The following COPS6 variants were observed in gnomAD, a reference collection of about 807,000 sequenced individuals.
COPS6 encodes the protein COP9 signalosome subunit 6.
Under a neutral mutation model 41.0 loss-of-function variants are expected in COPS6, and 9 were observed. The observed-to-expected ratio is 0.22, with a 90% CI of 0.13 to 0.38. The LOEUF is 0.38. COPS6 is among the 10% of genes least tolerant of loss of function. The probability of loss-of-function intolerance (pLI) is 1.00; values close to 1 mark genes in which losing one functional copy is unlikely to be tolerated. For missense variants in COPS6, 302 were observed against 436.7 expected (o/e 0.69, Z 2.75); for synonymous variants, 179 against 162.9 (o/e 1.10, Z -0.75).
intron 5 of COPS6, 119 bp from the exon 6 acceptor site, chr7:100,090,783 A>G: frequency 1.4e-6 from 2 of 1,459,640 alleles, no homozygotes; most frequent in Non-Finnish European, 1.9e-6. Flanking sequence ...TAATCTCCAA[A>G]CTGTGAAAGG....
At position 100,091,551 on chromosome 7, in the gene COPS6, G is replaced by A; in HGVS notation, c.843+31G>A. 1 of 1,613,752 alleles carries A rather than the reference G, an allele frequency of 6.2e-7. No individual in the cohort carries two copies. Among genetic ancestry groups the A allele is most frequent in the South Asian group, 1.1e-5 (1 of 91,076 alleles). ...TGTAAAACCCGGATGGGGAGGCGGG[G>A]CTTATGCTGTCACTTTCACGTGCAG... On this transcript the variant is annotated intron_variant, in intron 9 of 9. Transcript: ENST00000303904. This position sits in a 1 kb window ranked among gnomAD's most constrained non-coding sequence, Gnocchi z 4.1.
In COPS6 at chr7:100,091,299, C is replaced by T. The variant is rs756714893; in HGVS notation, c.711C>T (p.Leu237=). ...AGATGCTGCACAGCCGCGTCAAGCT[C>T]ATCTTGGAGTACGTCAAGGCCTCTG... ...AIKMLHSRVK[L]ILEYVKASEA... is the part of the protein sequence containing the mutation. The change falls in exon 8 of 10, where the codon CTC becomes CTT. Residue 237 remains leucine, a synonymous_variant. Transcript: ENST00000303904. The surrounding 1 kb of genome is among the most constrained non-coding windows in gnomAD (Gnocchi z 4.1). The T allele has an allele frequency of 2.5e-6, 4 of 1,614,202 alleles. No homozygotes were observed. Among genetic ancestry groups the T allele is most frequent in the Non-Finnish European group, 3.4e-6 (4 of 1,180,030 alleles).
In COPS6 at chr7:100,091,652, T is replaced by C. The variant is rs1344066280; in HGVS notation, c.847T>C (p.Cys283Arg). The change falls in exon 10 of 10, where the codon TGC becomes CGC. Residue 283 changes from cysteine to arginine, a missense_variant. Physicochemically the swap from Cys to Arg is radical, Grantham distance 180. This residue lies in a region of COPS6 where 222 missense variants were observed against 309.0 expected (regional missense o/e 0.72). Coordinates refer to ENST00000303904, the MANE Select transcript of COPS6 (RefSeq NM_006833.5). The surrounding 1 kb of genome is among the most constrained non-coding windows in gnomAD (Gnocchi z 4.1). ...DKFKTDFYDQ[C>R]NDVGLMAYLG... is the part of the protein sequence containing the mutation. ...GGTCCTTTCTGTTCCCTCCCAGCAA[T>C]GCAACGACGTGGGGCTCATGGCCTA... 4 of 1,614,204 alleles carry C rather than the reference T, an allele frequency of 2.5e-6. No homozygotes were observed. Among genetic ancestry groups the C allele is most frequent in the East Asian group, 2.2e-5 (1 of 44,878 alleles).
At position 100,091,777 on chromosome 7, in the gene COPS6, G is replaced by A. The variant is rs759619174; in HGVS notation, c.972G>A (p.Gly324=). 6.2e-7 allele frequency: 1 copy of A among 1,614,216 alleles called. No individual in the cohort carries two copies. The highest frequency in any genetic ancestry group is 8.5e-7 in the Non-Finnish European group (1 of 1,180,048). ...DRQGIGRRMR[G]LFF ...AAGGCATCGGCAGGAGAATGCGCGGGCTCTTTTTCTGATGAGGGTACTTGA... is the reference window on the plus strand; with the variant it reads ...AAGGCATCGGCAGGAGAATGCGCGGACTCTTTTTCTGATGAGGGTACTTGA... Residue 324 remains glycine, a synonymous_variant, in exon 10 of 10, where the codon GGG becomes GGA. Transcript: ENST00000303904. This position sits in a 1 kb window ranked among gnomAD's most constrained non-coding sequence, Gnocchi z 4.1.
At chr7:100,089,221 C>G in intron 1 of COPS6, 69 bp from the exon 2 acceptor site, 1 of 1,554,446 alleles carries the variant, frequency 6.4e-7, no homozygotes, top group South Asian at 1.2e-5. Flanking sequence ...CCGCCGTCCC[C>G]CACTGCCATC....
intron 3 of COPS6, 27 bp downstream of exon 3, chr7:100,089,773 A>C (rs1795285206): frequency 6.2e-7 from 1 of 1,606,912 alleles, no homozygotes; most frequent in South Asian, 1.1e-5. Flanking sequence ...TGTGGGGAAG[A>C]GGAGTGGGAG....
At position 100,090,671 on chromosome 7, in the gene COPS6, G is replaced by A. The variant is rs757770695; in HGVS notation, c.486+17G>A. 1.2e-6 allele frequency: 2 copies of A among 1,609,690 alleles called. No individual in the cohort carries two copies. Among genetic ancestry groups the A allele is most frequent in the Non-Finnish European group, 1.7e-6 (2 of 1,176,074 alleles). On this transcript the variant is annotated intron_variant, in intron 5 of 9. Coordinates refer to ENST00000303904, the MANE Select transcript of COPS6 (RefSeq NM_006833.5). ...CACACAGATGTGAGTAATACTCCAT[G>A]CCTACTCTGTCATGATTGTCGCTAT...
At chr7:100,089,453 C>T in intron 2 of COPS6, 38 bp downstream of exon 2, 1 of 1,612,914 alleles carries the variant, frequency 6.2e-7, no homozygotes, top group Non-Finnish European at 8.5e-7. Context: ...CTTCTCCTTG[C>T]TCACCTCCCC....
At chr7:100,089,115 G>T in intron 1 of COPS6, 49 bp downstream of exon 1, 2 of 1,446,690 alleles carry the variant, frequency 1.4e-6, no homozygotes, top group Non-Finnish European at 1.8e-6. Context: ...TCAGGGGTTC[G>T]TTGAGGCCTC....
At chr7:100,089,541 T>G in intron 2 of COPS6, 74 bp from the exon 3 acceptor site, 1 of 1,599,312 alleles carries the variant, frequency 6.3e-7, no homozygotes, top group Non-Finnish European at 8.5e-7. Flanking sequence ...AATACATGGT[T>G]CCCACTGATC....
intron 5 of COPS6, 70 bp from the exon 6 acceptor site, chr7:100,090,832 A>C: frequency 6.4e-7 from 1 of 1,559,774 alleles, no homozygotes; most frequent in Non-Finnish European, 8.8e-7. Flanking sequence ...GGAAGATGAG[A>C]GGAAATGTGT....
intron 3 of COPS6, 34 bp downstream of exon 3, chr7:100,089,780 G>A (rs548191854): frequency 1.2e-6 from 2 of 1,601,482 alleles, no homozygotes; most frequent in Admixed American, 3.5e-5. Flanking sequence ...AAGAGGAGTG[G>A]GAGTTAAAAA....
At position 100,091,630 on chromosome 7, in the gene COPS6, C is replaced by CCTTTCTGTTCCCTCCCAGTT; in HGVS notation, c.844-1_844insTTCTTTCTGTTCCCTCCCAG. ...CCACGAGGGATCCCGAGGAACTGGT[C>CCTTTCTGTTCCCTCCCAGTT]CTTTCTGTTCCCTCCCAGCAATGCA... On this transcript the variant is annotated intron_variant, in intron 9 of 9. Transcript: ENST00000303904. This position sits in a 1 kb window ranked among gnomAD's most constrained non-coding sequence, Gnocchi z 4.1. 1 of 1,614,182 alleles carries CCTTTCTGTTCCCTCCCAGTT rather than the reference C, an allele frequency of 6.2e-7. No homozygotes were observed. Among genetic ancestry groups the CCTTTCTGTTCCCTCCCAGTT allele is most frequent in the South Asian group, 1.1e-5 (1 of 91,082 alleles).
chr7:100,089,599 T>C lies in COPS6; in HGVS notation c.203-16T>C. ...TTTCTTTACCCTCACCTTTTCCATG[T>C]CATTCTCTTTCCCAGTGATTGGGGC... On this transcript the variant is annotated splice_polypyrimidine_tract_variant and intron_variant, in intron 2 of 9. Coordinates refer to ENST00000303904, the MANE Select transcript of COPS6 (RefSeq NM_006833.5). 1 of 1,610,708 alleles carries C rather than the reference T, an allele frequency of 6.2e-7. No homozygotes were observed. The highest frequency in any genetic ancestry group is 8.5e-7 in the Non-Finnish European group (1 of 1,178,448).
chr7:100,090,825 A>G (rs1795304562), intron 5 of COPS6, 77 bp from the exon 6 acceptor site: 19 of 1,542,682 alleles, frequency 1.2e-5, no homozygotes, highest in Non-Finnish European at 1.7e-5. Flanking sequence ...TTTCTTGGGA[A>G]GATGAGAGGA....
At chr7:100,089,148 G>T in intron 1 of COPS6, 82 bp downstream of exon 1, 1 of 1,488,670 alleles carries the variant, frequency 6.7e-7, no homozygotes, top group Non-Finnish European at 8.9e-7. Context: ...GGAGAAGGGA[G>T]GAGGGCGGAG....
intron 3 of COPS6, 181 bp from the exon 4 acceptor site, chr7:100,090,218 C>T (rs936544004): frequency 6.1e-5 from 36 of 592,086 alleles, no homozygotes; most frequent in Non-Finnish European, 9.3e-5. Context: ...CATGGTGGTG[C>T]GTGCCTGTAG....
In COPS6 at chr7:100,091,872, C is replaced by T; in HGVS notation, c.*83C>T. 1 of 1,569,870 alleles carries T rather than the reference C, an allele frequency of 6.4e-7. No homozygotes were observed. The highest frequency in any genetic ancestry group is 8.7e-7 in the Non-Finnish European group (1 of 1,147,606). ...CACTACACTTCCTTGAGAGAAACCGCTGTCATTAATAAAAGGGGAGCAGCC... is the reference window on the plus strand; with the variant it reads ...CACTACACTTCCTTGAGAGAAACCGTTGTCATTAATAAAAGGGGAGCAGCC... On this transcript the variant is annotated 3_prime_UTR_variant, in exon 10 of 10. Coordinates refer to ENST00000303904, the MANE Select transcript of COPS6 (RefSeq NM_006833.5). This position sits in a 1 kb window ranked among gnomAD's most constrained non-coding sequence, Gnocchi z 4.1.
In COPS6 at chr7:100,089,286, T is replaced by TTAG; in HGVS notation, c.78_80dup. 1 of 1,613,780 alleles carries TTAG rather than the reference T, an allele frequency of 6.2e-7. No individual in the cohort carries two copies. Among genetic ancestry groups the TTAG allele is most frequent in the East Asian group, 2.2e-5 (1 of 44,858 alleles). ...CACCCTCTCTCCTTTCCCTCCACCC[T>TTAG]TAGTAGTCCCCAGCGTGATGGCCTG... On this transcript the variant is annotated splice_region_variant and splice_polypyrimidine_tract_variant and intron_variant, in intron 1 of 9. Coordinates refer to ENST00000303904, the MANE Select transcript of COPS6 (RefSeq NM_006833.5).
Sources: gnomAD v4.1 joint callset for allele counts on GRCh38, gnomAD v4.1.1 for gene constraint, gnomAD v4.1.1 regional missense constraint, Gnocchi (gnomAD v3.1) non-coding constraint, MANE v1.5 for transcripts, NCBI Gene and HGNC (gene_info 2026-07-23, HGNC 2026-07-21) for gene names.